Variants in NYAP2 observed in about 807,000 individuals in gnomAD.
NYAP2 encodes neuronal tyrosine-phosphorylated phosphoinositide-3-kinase adapter 2.
NYAP2 carries 23 observed loss-of-function variants against 50.4 expected under a neutral mutation model. The ratio of observed to expected loss-of-function variants is 0.46; its 90% CI spans 0.33 to 0.65. The LOEUF (loss-of-function observed/expected upper bound fraction) is 0.65. Among genes scored for constraint, NYAP2 ranks in the 30% least tolerant of loss-of-function variants. The pLI is 0.02. For missense variants in NYAP2, 885 were observed against 861.0 expected (o/e 1.03, Z -0.35); for synonymous variants, 394 against 365.2 (o/e 1.08, Z -0.90).
At chr2:225,426,420 T>C (rs1695288959) in intron 3 of NYAP2, among the ~76,000 whole-genome samples, 1 of 152,194 alleles carries the variant, frequency 6.6e-6, no homozygotes, top group African/African-American at 2.4e-5. Context: ...TGAACTCTTA[T>C]CCACTAACGT....
Position 225,474,297 on chromosome 2 carries a change from T to C in NYAP2, c.222-39074T>C, listed in dbSNP as rs541151687. On this transcript the variant is annotated intron_variant, in intron 3 of 6. Coordinates refer to ENST00000636099, the Ensembl canonical transcript of NYAP2. ...AGGATTGACTTGGCGATGAGGGCTC[T>C]TTTTTGGTTCCATATGAACTTTAAA... Among the ~76,000 whole-genome samples the C allele has an allele frequency of 3.7e-3, 563 of 152,304 alleles. 4 individuals are homozygous for C. The highest frequency in any genetic ancestry group is 0.012 in the African/African-American group (486 of 41,558).
intron 3 of NYAP2, among the ~76,000 whole-genome samples, chr2:225,462,686 C>G (rs181338584): frequency 3.9e-5 from 6 of 152,158 alleles, no homozygotes; most frequent in African/African-American, 1.4e-4. Flanking sequence ...TGACCTGAAT[C>G]AGAGCACAAT....
chr2:225,543,605 G>T (rs1292273750), intron 4 of NYAP2, among the ~76,000 whole-genome samples: 1 of 151,826 alleles, frequency 6.6e-6, no homozygotes, highest in African/African-American at 2.4e-5. Context: ...ACTCCATTGT[G>T]GAAATTGTGG....
At chr2:225,459,674 C>T (rs1055146642) in intron 3 of NYAP2, among the ~76,000 whole-genome samples, 3 of 151,696 alleles carry the variant, frequency 2.0e-5, no homozygotes, top group Non-Finnish European at 4.4e-5. Context: ...GATGGTGTCT[C>T]GCTCTGTCGC....
At chr2:225,663,491 A>G in the NYAP2 span, among the ~76,000 whole-genome samples, 140 of 151,998 alleles carry the variant, frequency 9.2e-4, no homozygotes, top group African/African-American at 3.3e-3. Flanking sequence ...TTCCTTATCC[A>G]TTACCTGCCT....
intron 5 of NYAP2, among the ~76,000 whole-genome samples, chr2:225,596,028 TA>T (rs1201372792): frequency 3.3e-5 from 5 of 152,172 alleles, no homozygotes; most frequent in Non-Finnish European, 5.9e-5. Flanking sequence ...TAATTCCATA[TA>T]TTTTTTTGAG....
rs563277399 is a variant in NYAP2 at position 225,465,730 on chromosome 2, C to A, written c.222-47641C>A. ...GACTCTGTCTCAAAAAACAAACAAACAAACAAAAAACACTCTCTGTGTCCT... is the reference window on the plus strand; with the variant it reads ...GACTCTGTCTCAAAAAACAAACAAAAAAACAAAAAACACTCTCTGTGTCCT... On this transcript the variant is annotated intron_variant, in intron 3 of 6. Transcript: ENST00000636099. Among the ~76,000 whole-genome samples the A allele has an allele frequency of 6.0e-4, 91 of 152,162 alleles. No homozygotes were observed. In the South Asian group the frequency reaches 0.01, roughly 17 times the overall value.
chr2:225,582,129 C>A lies in NYAP2; in HGVS notation c.712C>A (p.Pro238Thr), dbSNP rs772989177. Residue 238 changes from proline to threonine, a missense_variant, in exon 5 of 7, where the codon CCC (proline) becomes ACC (threonine). Coordinates refer to ENST00000636099, the Ensembl canonical transcript of NYAP2. The surrounding 1 kb of genome is among the most constrained non-coding windows in gnomAD (Gnocchi z 7.0). The stretch of plus-strand genomic sequence containing the variant: ...CCAGATGGGCAGCCCCGCGGGAGAC[C>A]CCGAGGAAGAGGAGCCCGTGTACAT... 6.2e-6 allele frequency: 10 copies of A among 1,613,776 alleles called. No homozygotes were observed. Among genetic ancestry groups the A allele is most frequent in the Admixed American group, 5.0e-5 (3 of 60,002 alleles).
chr2:225,481,023 G>T (rs1374932226), intron 3 of NYAP2, among the ~76,000 whole-genome samples: 1 of 152,008 alleles, frequency 6.6e-6, no homozygotes, highest in African/African-American at 2.4e-5. Flanking sequence ...TCCCGTTTCT[G>T]CCTTAAGTTG....
chr2:225,617,288 G>A (rs1260200526), intron 5 of NYAP2, among the ~76,000 whole-genome samples: 1 of 152,116 alleles, frequency 6.6e-6, no homozygotes, highest in Non-Finnish European at 1.5e-5. Context: ...AAAAAGCTGG[G>A]TGTGGAGGTG....
At position 225,608,024 on chromosome 2, in the gene NYAP2, T is replaced by C. The variant is rs116540350; in HGVS notation, c.1619-18893T>C. 3.3e-3 allele frequency among the ~76,000 whole-genome samples: 508 copies of C among 152,200 alleles called. 6 individuals carry two copies. The highest frequency in any genetic ancestry group is 0.012 in the African/African-American group (486 of 41,532). ...CTTGTCTGGTATTTCTCTCACTAAA[T>C]CTTGACATCAGATTAAGACCAGACA... is the stretch of plus-strand genomic sequence containing the variant. On this transcript the variant is annotated intron_variant, in intron 5 of 6. Transcript: ENST00000636099.
chr2:225,480,588 T>C (rs778139392), intron 3 of NYAP2, among the ~76,000 whole-genome samples: 16 of 152,166 alleles, frequency 1.1e-4, no homozygotes, highest in Non-Finnish European at 2.2e-4. Context: ...AGTATTTGCG[T>C]GATTGGGACA....
At chr2:225,587,719 C>A (rs1371614463) in intron 5 of NYAP2, among the ~76,000 whole-genome samples, 2 of 151,474 alleles carry the variant, frequency 1.3e-5, no homozygotes, top group Non-Finnish European at 2.9e-5. Flanking sequence ...TAGAACAGGG[C>A]AGAAGGCATG....
chr2:225,692,974 G>A, the NYAP2 span, among the ~76,000 whole-genome samples: 1 of 151,686 alleles, frequency 6.6e-6, no homozygotes, highest in Non-Finnish European at 1.5e-5. Flanking sequence ...GAGTTCCAAA[G>A]AGTGTATAGT....
At chr2:225,664,829 C>T in the NYAP2 span, among the ~76,000 whole-genome samples, 19 of 152,154 alleles carry the variant, frequency 1.2e-4, no homozygotes, top group East Asian at 7.7e-4. Flanking sequence ...TGAGCTATCA[C>T]GGCACTGCAC....
intron 6 of NYAP2, among the ~76,000 whole-genome samples, chr2:225,628,479 G>A (rs913791164): frequency 9.9e-5 from 15 of 151,686 alleles, no homozygotes; most frequent in Non-Finnish European, 1.3e-4. Context: ...CCACCACCAC[G>A]CCCAGCTAAG....
At chr2:225,691,344 A>G in the NYAP2 span, among the ~76,000 whole-genome samples, 1 of 151,892 alleles carries the variant, frequency 6.6e-6, no homozygotes, top group African/African-American at 2.4e-5. Context: ...ATTTATGTAC[A>G]CCACCATTTG....
At chr2:225,627,093 A>G in exon 6 of NYAP2, 1 of 1,594,040 alleles carries the variant, frequency 6.3e-7, no homozygotes, top group Non-Finnish European at 8.5e-7. Flanking sequence ...ATGCTCTGTG[A>G]GCCCCACCTT....
At chr2:225,557,890 A>G (rs765514287) in intron 4 of NYAP2, among the ~76,000 whole-genome samples, 73 of 152,318 alleles carry the variant, frequency 4.8e-4, no homozygotes, top group Non-Finnish European at 7.5e-4. Context: ...GAGGGCCTTT[A>G]TGTTTCTAAC....
Sources: allele counts gnomAD v4.1 joint callset (sites outside exome capture counted in the v4.1 genomes callset), GRCh38; gene constraint gnomAD v4.1.1; non-coding constraint Gnocchi (gnomAD v3.1); transcripts MANE v1.5; gene names NCBI Gene and HGNC (gene_info 2026-07-23, HGNC 2026-07-21).